NRG1: variants seen among roughly 807,000 people sequenced by gnomAD.
NRG1 encodes pro-neuregulin-1, membrane-bound isoform.
A neutral mutation model predicts 63.8 loss-of-function variants in NRG1; 18 were observed. That is an observed-to-expected ratio of 0.28 (90% CI 0.19 to 0.42). The LOEUF (loss-of-function observed/expected upper bound fraction) is 0.42. Ranked by LOEUF, NRG1 falls within the 10% of genes least tolerant of loss-of-function variation. NRG1 has a pLI of 1.00. For synonymous variants in NRG1, 302 were observed against 301.3 expected, an observed-to-expected ratio of 1.00 and a Z score of -0.02; for missense variants, 762 against 814.7, an observed-to-expected ratio of 0.94 and a Z score of 0.79.
rs141596280 is a variant in NRG1, at chr8:32,478,601, A to G, written c.38-117227A>G. On this transcript the variant is annotated intron_variant, in intron 1 of 10. Coordinates refer to the NRG1 transcript ENST00000519301. ...GCACATTAGAGTGCAATGAAGCTCAATGTAACAAGCATCAACAATCAACTA... is the reference window on the plus strand; with the variant it reads ...GCACATTAGAGTGCAATGAAGCTCAGTGTAACAAGCATCAACAATCAACTA... Among the ~76,000 whole-genome samples, 5 of 152,352 alleles carry G rather than the reference A, an allele frequency of 3.3e-5. No individual in the cohort carries two copies. The East Asian group carries it at 7.7e-4, about 24-fold the overall frequency.
At chr8:32,113,603 C>A (rs1244511104) in intron 1 of NRG1, among the ~76,000 whole-genome samples, 1 of 152,178 alleles carries the variant, frequency 6.6e-6, no homozygotes, top group African/African-American at 2.4e-5. Flanking sequence ...ATTAACTATT[C>A]TTTATTCTTC....
At chr8:32,234,613 G>C (rs541494758) in intron 1 of NRG1, among the ~76,000 whole-genome samples, 2 of 152,078 alleles carry the variant, frequency 1.3e-5, no homozygotes, top group African/African-American at 4.8e-5. Context: ...ATCCACAAAA[G>C]GAATAGGACA....
At chr8:32,428,271 G>A (rs1366157936) in intron 1 of NRG1, among the ~76,000 whole-genome samples, 3 of 152,030 alleles carry the variant, frequency 2.0e-5, no homozygotes, top group Non-Finnish European at 4.4e-5. Context: ...AGGGGAAGCA[G>A]ATATGGGTGA....
chr8:32,403,144 T>C (rs1293347868), intron 1 of NRG1, among the ~76,000 whole-genome samples: 1 of 151,310 alleles, frequency 6.6e-6, no homozygotes, highest in African/African-American at 2.4e-5. Flanking sequence ...ACTAAAAATA[T>C]AAAAATTAGC....
chr8:32,114,961 C>A (rs1018671277), intron 1 of NRG1, among the ~76,000 whole-genome samples: 1 of 152,068 alleles, frequency 6.6e-6, no homozygotes, highest in Non-Finnish European at 1.5e-5. Context: ...TACACAGTAT[C>A]CTTATATAGC....
rs534418597 is a variant in NRG1, at chr8:32,674,342, A to C, written c.503-53607A>C. Among the ~76,000 whole-genome samples, 6 of 152,318 alleles carry C rather than the reference A, an allele frequency of 3.9e-5. No homozygotes were observed. The South Asian group carries it at 1.2e-3, about 32-fold the overall frequency. On this transcript the variant is annotated intron_variant, in intron 5 of 11. Coordinates refer to ENST00000356819, the Ensembl canonical transcript of NRG1. ...CTGAAGCTCATTAGTCAAACTAAAA[A>C]GCTCATGAAATTTCTCACCTGAATC...
At chr8:32,638,162 TTTTG>T (rs1238407466) in intron 5 of NRG1, among the ~76,000 whole-genome samples, 13 of 152,236 alleles carry the variant, frequency 8.5e-5, no homozygotes, top group South Asian at 4.1e-4. Context: ...TAAGCAGGTT[TTTTG>T]TTTGTTTGTT....
At chr8:32,240,721 A>C (rs1282849919) in intron 1 of NRG1, among the ~76,000 whole-genome samples, 1 of 151,916 alleles carries the variant, frequency 6.6e-6, no homozygotes, top group Non-Finnish European at 1.5e-5. Flanking sequence ...GGAAATTGTA[A>C]AAAAAAATGC....
rs1491481286 is a variant in NRG1 at position 32,158,449 on chromosome 8, A to ATATATATATATATATATATATATATCATG, written c.38-437356_38-437355insATCATGTATATATATATATATATATATAT. On this transcript the variant is annotated intron_variant, in intron 1 of 10. Transcript: ENST00000519301. ...CGTTTCTCTTTGTTTGGTTTACATG[A>ATATATATATATATATATATATATATCATG]TATATATATATATATATATATATCA... 8.0e-5 allele frequency among the ~76,000 whole-genome samples: 4 copies of ATATATATATATATATATATATATATCATG among 49,762 alleles called. 1 individual carries two copies. Among genetic ancestry groups the ATATATATATATATATATATATATATCATG allele is most frequent in the Non-Finnish European group, 1.4e-4 (4 of 28,074 alleles). 32.6% of individuals were successfully genotyped at this position (49,762 alleles called of 152,430 possible).
At chr8:31,807,950 T>C (rs531751788) in intron 1 of NRG1, among the ~76,000 whole-genome samples, 1,218 of 42,040 alleles carry the variant, frequency 0.029, 11 homozygotes, top group Admixed American at 0.042. Context: ...AGTATTCGCG[T>C]GTGTGTGTGT....
chr8:31,944,792 T>G (rs1802292042), intron 1 of NRG1, among the ~76,000 whole-genome samples: 2 of 152,188 alleles, frequency 1.3e-5, no homozygotes, highest in Non-Finnish European at 2.9e-5. Flanking sequence ...ACAAAGCAAT[T>G]TACGCAGTAG....
chr8:31,989,468 G>C (rs573756712), intron 1 of NRG1, among the ~76,000 whole-genome samples: 41 of 151,820 alleles, frequency 2.7e-4, no homozygotes, highest in African/African-American at 9.9e-4. Context: ...ACAGCATAAG[G>C]CAACAGTGAT....
chr8:32,434,002 A>G (rs538812432), intron 1 of NRG1, among the ~76,000 whole-genome samples: 2 of 152,128 alleles, frequency 1.3e-5, no homozygotes, highest in East Asian at 3.9e-4. Context: ...CCTGGCCAAC[A>G]TGGTGAAACC....
chr8:32,358,248 G>A (rs1054233213), intron 1 of NRG1, among the ~76,000 whole-genome samples: 2 of 151,662 alleles, frequency 1.3e-5, no homozygotes, highest in African/African-American at 4.8e-5. Context: ...CTCAGCCCCA[G>A]AATGCCTCCT....
In NRG1 at chr8:32,032,088, A is replaced by G. The variant is rs746301517; in HGVS notation, c.37+392657A>G. The stretch of plus-strand genomic sequence containing the variant: ...CCACCAACATTGTAAAAGCATTCCT[A>G]TTTCTCCCCAACTTGCCAGCACCTG... On this transcript the variant is annotated intron_variant, in intron 1 of 10. Coordinates refer to the NRG1 transcript ENST00000519301. 2.0e-5 allele frequency among the ~76,000 whole-genome samples: 3 copies of G among 152,032 alleles called. No individual in the cohort carries two copies. In the East Asian group the frequency reaches 5.8e-4, roughly 29 times the overall value.
chr8:31,931,896 T>C (rs1462799405), intron 1 of NRG1, among the ~76,000 whole-genome samples: 6 of 152,180 alleles, frequency 3.9e-5, no homozygotes, highest in Non-Finnish European at 8.8e-5. Flanking sequence ...ACTGTAAATG[T>C]TTCATGTGAA....
chr8:31,790,056 A>G (rs1316492144), intron 1 of NRG1, among the ~76,000 whole-genome samples: 2 of 152,210 alleles, frequency 1.3e-5, no homozygotes. Flanking sequence ...TTTGGATTCC[A>G]CAAGGCTTGT....
chr8:31,795,315 C>T (rs1047012007), intron 1 of NRG1, among the ~76,000 whole-genome samples: 8 of 152,090 alleles, frequency 5.3e-5, no homozygotes, highest in Admixed American at 1.3e-4. Context: ...CAGACTTCTA[C>T]GTGTGCATAT....
At chr8:32,541,845 T>C (rs1267520292) in intron 1 of NRG1, among the ~76,000 whole-genome samples, 1 of 152,170 alleles carries the variant, frequency 6.6e-6, no homozygotes, top group Non-Finnish European at 1.5e-5. Flanking sequence ...AGTAAAATAT[T>C]AGAGAGATTA....
Sources: gnomAD v4.1 joint callset for allele counts (sites outside exome capture counted in the v4.1 genomes callset) on GRCh38, gnomAD v4.1.1 for gene constraint, MANE v1.5 for transcripts, NCBI Gene and HGNC (gene_info 2026-07-23, HGNC 2026-07-21) for gene names.